Variants in TMBIM6 observed in about 807,000 individuals in gnomAD.
TMBIM6 encodes transmembrane BAX inhibitor motif containing 6, also known as bax inhibitor 1.
A neutral mutation model predicts 31.4 loss-of-function variants in TMBIM6; 13 were observed. That is an observed-to-expected ratio of 0.41 (90% CI 0.27 to 0.66). TMBIM6 has a LOEUF of 0.66. TMBIM6 is among the 30% of genes least tolerant of loss of function. The probability of loss-of-function intolerance (pLI) is 0.28; values close to 1 mark genes in which losing one functional copy is unlikely to be tolerated. For missense variants in TMBIM6, 275 were observed against 289.5 expected (o/e 0.95, Z 0.36); for synonymous variants, 85 against 101.7 (o/e 0.84, Z 0.99).
intron 9 of TMBIM6, among the ~76,000 whole-genome samples, chr12:49,762,497 G>A (rs777880657): frequency 1.3e-5 from 2 of 152,194 alleles, no homozygotes; most frequent in African/African-American, 2.4e-5. Flanking sequence ...CACTTCTCGC[G>A]CCTAATGGTT....
At chr12:49,760,631 G>T (rs181379653) in intron 8 of TMBIM6, among the ~76,000 whole-genome samples, 4 of 149,290 alleles carry the variant, frequency 2.7e-5, no homozygotes, top group Non-Finnish European at 5.9e-5. Flanking sequence ...CCGCCTCCTG[G>T]GTTCAAGCGA....
rs116901253 is a variant in TMBIM6 at position 49,752,528 on chromosome 12, C to G, written c.35C>G (p.Ala12Gly). The change falls in exon 2 of 10, where the codon GCG (alanine) becomes GGG (glycine). Residue 12 changes from alanine (A) to glycine (G), a missense_variant. Physicochemically the swap from Ala to Gly is moderately conservative, Grantham distance 60 (BLOSUM62 0). Transcript: ENST00000267115. The stretch of plus-strand genomic sequence containing the variant: ...TTTGATCGAAAGATCAACTTTGATG[C>G]GCTTTTAAAATTTTCTCATATGTAA... Reference protein sequence around the residue: ...NIFDRKINFDALLKFSHITPS... With the variant: ...NIFDRKINFDGLLKFSHITPS... 1.4e-3 allele frequency: 2,322 copies of G among 1,613,278 alleles called. 18 individuals carry two copies. In the East Asian group the frequency reaches 0.021, roughly 15 times the overall value.
At chr12:49,759,881 G>A (rs1778782294) in intron 8 of TMBIM6, among the ~76,000 whole-genome samples, 1 of 151,696 alleles carries the variant, frequency 6.6e-6, no homozygotes, top group Admixed American at 6.6e-5. Context: ...GGGAGGTCGG[G>A]GCAGGCGGAT....
chr12:49,742,121 G>C (rs375496147), intron 1 of TMBIM6: 339 of 1,607,772 alleles, frequency 2.1e-4, no homozygotes, highest in Non-Finnish European at 2.7e-4. Context: ...TCGAGGTAGG[G>C]CCTGGCGGGC....
intron 4 of TMBIM6, 93 bp downstream of exon 4, chr12:49,755,848 T>C: frequency 6.9e-7 from 1 of 1,449,458 alleles, no homozygotes; most frequent in Non-Finnish European, 9.2e-7. Flanking sequence ...TTTTTTTTTT[T>C]TTTGAGACAG....
At chr12:49,757,227 A>C (rs59556663) in intron 4 of TMBIM6, among the ~76,000 whole-genome samples, 11 of 151,866 alleles carry the variant, frequency 7.2e-5, no homozygotes, top group Admixed American at 4.6e-4. Context: ...ATTAGGGGAA[A>C]CTCTGTGAGT....
intron 1 of TMBIM6, chr12:49,742,150 CTG>C (rs1945307491): frequency 6.2e-7 from 1 of 1,612,324 alleles, no homozygotes; most frequent in Non-Finnish European, 8.5e-7. Context: ...TCACACTCCT[CTG>C]TGACACGCGA....
chr12:49,745,845 T>A (rs1178144941), intron 1 of TMBIM6, among the ~76,000 whole-genome samples: 1 of 152,180 alleles, frequency 6.6e-6, no homozygotes, highest in African/African-American at 2.4e-5. Flanking sequence ...CGTTAGATAG[T>A]TTTGCCCAAC....
chr12:49,758,891 A>T, intron 7 of TMBIM6, 129 bp downstream of exon 7: 1 of 796,006 alleles, frequency 1.3e-6, no homozygotes, highest in African/African-American at 1.9e-5. Context: ...ATTATCCTTC[A>T]TAGGATGGAG....
intron 4 of TMBIM6, 161 bp from the exon 5 acceptor site, chr12:49,758,066 A>T: frequency 1.3e-6 from 1 of 782,220 alleles, no homozygotes. Flanking sequence ...TCAGGTATAC[A>T]TTTTATTGAA....
chr12:49,755,827 CT>C (rs1218229826), intron 4 of TMBIM6, 72 bp downstream of exon 4: 309 of 1,375,494 alleles, frequency 2.2e-4, no homozygotes, highest in Middle Eastern at 1.7e-3. Context: ...GTTCCCCCCC[CT>C]TTTTTTTTCT....
intron 8 of TMBIM6, among the ~76,000 whole-genome samples, chr12:49,759,841 G>A (rs1479209164): frequency 1.3e-5 from 2 of 148,602 alleles, no homozygotes; most frequent in African/African-American, 5.0e-5. Flanking sequence ...GGCCGGGCAC[G>A]GTGGCTCACG....
At chr12:49,749,876 CTTTACCAGGTTTCTTTTT>C (rs766226121) in intron 1 of TMBIM6, 3 of 152,158 alleles carry the variant, frequency 2.0e-5, no homozygotes, top group Non-Finnish European at 2.9e-5. Flanking sequence ...GGACCATCTG[CTTTACCAGGTTTCTTTTT>C]TTTCTCCATA....
At chr12:49,759,164 G>A in intron 7 of TMBIM6, 57 bp from the exon 8 acceptor site, 1 of 1,422,524 alleles carries the variant, frequency 7.0e-7, no homozygotes, top group African/African-American at 1.4e-5. Flanking sequence ...AGTATGGCTG[G>A]TTTTTTTTTC....
In TMBIM6 at chr12:49,741,909, C is replaced by T. The variant is rs1050644005; in HGVS notation, c.-31+298C>T. On this transcript the variant is annotated intron_variant, in intron 1 of 9. Transcript: ENST00000267115. Reference sequence around the variant, plus strand: ...CAGAGCGCTGGCGAAGGCCCCTTCTCAGCCCGCCTTTTCCTTTCTCCCGCT... The same window carrying T: ...CAGAGCGCTGGCGAAGGCCCCTTCTTAGCCCGCCTTTTCCTTTCTCCCGCT... 5.1e-5 allele frequency: 34 copies of T among 662,048 alleles called. No homozygotes were observed. The African/African-American group carries it at 5.8e-4, about 11-fold the overall frequency. The allele number at this position is 662,048 out of a possible 1,614,324, so 41.0% of individuals were successfully genotyped here.
chr12:49,742,053 G>T lies in TMBIM6; in HGVS notation c.-31+442G>T, dbSNP rs1415537903. ...AACTCCACCCATCCGATTGCTGTTC[G>T]GCTGCGGGCGGGTCCTTTGGTCGGG... On this transcript the variant is annotated intron_variant, in intron 1 of 9. Coordinates refer to ENST00000267115, the MANE Select transcript of TMBIM6 (RefSeq NM_003217.3). 1.7e-5 allele frequency: 26 copies of T among 1,538,672 alleles called. No homozygotes were observed. In the East Asian group the frequency reaches 6.2e-4, roughly 37 times the overall value.
intron 1 of TMBIM6, among the ~76,000 whole-genome samples, chr12:49,745,320 G>A (rs1332705737): frequency 1.3e-5 from 2 of 152,194 alleles, no homozygotes; most frequent in East Asian, 3.8e-4. Flanking sequence ...AAATGTGCTA[G>A]AAGAAAGGTA....
chr12:49,760,917 G>A (rs1047504724), intron 8 of TMBIM6, among the ~76,000 whole-genome samples: 2 of 151,688 alleles, frequency 1.3e-5, no homozygotes, highest in Non-Finnish European at 2.9e-5. Context: ...TTGGCTCACC[G>A]CAGCCTCCGT....
chr12:49,751,394 TAGAA>T (rs1945491633), intron 1 of TMBIM6, among the ~76,000 whole-genome samples: 1 of 152,146 alleles, frequency 6.6e-6, no homozygotes, highest in African/African-American at 2.4e-5. Flanking sequence ...TATTGCTATA[TAGAA>T]AGAAGATGAA....
Sources: allele counts gnomAD v4.1 joint callset (sites outside exome capture counted in the v4.1 genomes callset), GRCh38; gene constraint gnomAD v4.1.1; transcripts MANE v1.5; gene names NCBI Gene and HGNC (gene_info 2026-07-23, HGNC 2026-07-21).